The following MAP2K4 variants were observed in gnomAD, a reference collection of about 807,000 sequenced individuals.
MAP2K4 encodes mitogen-activated protein kinase kinase 4, also known as dual specificity mitogen-activated protein kinase kinase 4.
MAP2K4 carries 4 observed loss-of-function variants against 48.5 expected under a neutral mutation model. The observed-to-expected ratio is 0.08, with a 90% CI of 0.04 to 0.19. MAP2K4 has a LOEUF of 0.19. MAP2K4 is among the 10% of genes least tolerant of loss of function. MAP2K4 has a pLI of 1.00. For missense variants in MAP2K4, 258 were observed against 493.3 expected (o/e 0.52, Z 4.52); for synonymous variants, 166 against 173.1 (o/e 0.96, Z 0.32).
chr17:12,130,891 T>A lies in MAP2K4; in HGVS notation c.1040+1604T>A, dbSNP rs188137967. On this transcript the variant is annotated intron_variant, in intron 9 of 10. Transcript: ENST00000353533. ...TGTTCCAAATTATTCCCCTTTTTAT[T>A]AGAGTTGTATTTTTTATGATGTATA... Among the ~76,000 whole-genome samples, 19 of 152,298 alleles carry A rather than the reference T, an allele frequency of 1.2e-4. No individual in the cohort carries two copies. The East Asian group carries it at 3.7e-3, about 29-fold the overall frequency.
chr17:12,107,635 G>A (rs1972163817), intron 4 of MAP2K4, among the ~76,000 whole-genome samples, 155 bp from the exon 5 acceptor site: 1 of 151,892 alleles, frequency 6.6e-6, no homozygotes, highest in African/African-American at 2.4e-5. Context: ...AGAATATTCT[G>A]TTGAAGGCTT....
chr17:12,021,734 GA>G (rs896882494), intron 1 of MAP2K4, among the ~76,000 whole-genome samples: 1,337 of 99,950 alleles, frequency 0.013, 24 homozygotes, highest in African/African-American at 0.046. Context: ...CGTGCAGGAA[GA>G]AAAAAAAAAA....
At chr17:12,057,361 G>A (rs185469854) in intron 2 of MAP2K4, among the ~76,000 whole-genome samples, 6 of 152,240 alleles carry the variant, frequency 3.9e-5, no homozygotes, top group Admixed American at 2.6e-4. Flanking sequence ...TCTGGTGAGC[G>A]TATGCACAAG....
At chr17:12,089,772 A>T (rs1971503405) in intron 3 of MAP2K4, among the ~76,000 whole-genome samples, 2 of 152,206 alleles carry the variant, frequency 1.3e-5, no homozygotes, top group African/African-American at 2.4e-5. Flanking sequence ...ACTGATGGTC[A>T]TGTCCTTCCA....
At chr17:12,140,604 T>C (rs1973347135) in intron 10 of MAP2K4, among the ~76,000 whole-genome samples, 1 of 152,154 alleles carries the variant, frequency 6.6e-6, no homozygotes, top group South Asian at 2.1e-4. Flanking sequence ...AAGAAGCTCC[T>C]GGGGCAAATT....
intron 7 of MAP2K4, among the ~76,000 whole-genome samples, chr17:12,120,514 A>G (rs1972652632): frequency 1.4e-5 from 2 of 146,236 alleles, no homozygotes; most frequent in Admixed American, 1.5e-4. Context: ...TTTAAAGAAA[A>G]TGGAAACAAG....
intron 3 of MAP2K4, among the ~76,000 whole-genome samples, chr17:12,082,303 G>A (rs980910918): frequency 6.6e-6 from 1 of 152,096 alleles, no homozygotes; most frequent in African/African-American, 2.4e-5. Context: ...AATCTTTGCT[G>A]TATGTAAGAT....
intron 2 of MAP2K4, among the ~76,000 whole-genome samples, chr17:12,073,554 G>A (rs1295093107): frequency 5.9e-5 from 9 of 152,128 alleles, no homozygotes; most frequent in African/African-American, 1.7e-4. Context: ...GGGCAAATCC[G>A]TATCAGACAA....
intron 2 of MAP2K4, among the ~76,000 whole-genome samples, chr17:12,062,842 T>A (rs760908012): frequency 2.0e-5 from 3 of 152,128 alleles, no homozygotes; most frequent in Non-Finnish European, 4.4e-5. Flanking sequence ...GGGATTTTTC[T>A]TTTTCCCCAC....
intron 1 of MAP2K4, among the ~76,000 whole-genome samples, chr17:12,045,390 T>C (rs1439149409): frequency 1.3e-5 from 2 of 152,178 alleles, no homozygotes; most frequent in African/African-American, 2.4e-5. Context: ...CGTGGTTCCT[T>C]GCTAGGGTTC....
intron 1 of MAP2K4, among the ~76,000 whole-genome samples, chr17:12,027,861 T>G (rs1281237570): frequency 2.0e-5 from 3 of 152,004 alleles, no homozygotes; most frequent in African/African-American, 7.3e-5. Flanking sequence ...TGACTGTGAA[T>G]GAAAGGAGAA....
chr17:12,127,145 G>A (rs1425122402), intron 8 of MAP2K4, among the ~76,000 whole-genome samples: 2 of 152,172 alleles, frequency 1.3e-5, no homozygotes, highest in Admixed American at 6.6e-5. Context: ...TCTTCGTATA[G>A]AGAGTTGAAG....
intron 1 of MAP2K4, among the ~76,000 whole-genome samples, chr17:12,048,770 C>T (rs1175397467): frequency 6.6e-6 from 1 of 152,074 alleles, no homozygotes. Context: ...GATTCCATTG[C>T]CTCAGCCTCC....
chr17:12,063,058 T>C (rs933644676), intron 2 of MAP2K4, among the ~76,000 whole-genome samples: 27 of 152,228 alleles, frequency 1.8e-4, no homozygotes, highest in African/African-American at 6.3e-4. Context: ...TGTGTTCTTC[T>C]GACATTGCTA....
intron 9 of MAP2K4, among the ~76,000 whole-genome samples, chr17:12,133,310 G>C (rs1973093855): frequency 6.6e-6 from 1 of 152,184 alleles, no homozygotes; most frequent in African/African-American, 2.4e-5. Context: ...TTGAACTGCT[G>C]ACCTCAAGTA....
intron 10 of MAP2K4, 32 bp downstream of exon 10, chr17:12,139,916 A>C (rs1012637974): frequency 6.5e-7 from 1 of 1,532,376 alleles, no homozygotes. Flanking sequence ...TTGTAGGTAC[A>C]TCCTAACCCC....
intron 4 of MAP2K4, among the ~76,000 whole-genome samples, chr17:12,106,059 A>G (rs988648243): frequency 2.0e-5 from 3 of 152,182 alleles, no homozygotes; most frequent in Admixed American, 1.3e-4. Context: ...CCAAGCTTAT[A>G]TAAGTAGAAA....
chr17:12,097,304 T>C (rs1971787821), intron 4 of MAP2K4, among the ~76,000 whole-genome samples: 1 of 152,242 alleles, frequency 6.6e-6, no homozygotes, highest in Non-Finnish European at 1.5e-5. Context: ...TTATAGACTT[T>C]CCCCAGCTCT....
At chr17:12,074,302 T>A (rs1597440147) in intron 2 of MAP2K4, among the ~76,000 whole-genome samples, 1 of 152,192 alleles carries the variant, frequency 6.6e-6, no homozygotes, top group East Asian at 1.9e-4. Context: ...ACTGTGGTAA[T>A]TTTAGATTGC....
Sources: gnomAD v4.1 joint callset for allele counts (sites outside exome capture counted in the v4.1 genomes callset) on GRCh38, gnomAD v4.1.1 for gene constraint, MANE v1.5 for transcripts, NCBI Gene and HGNC (gene_info 2026-07-23, HGNC 2026-07-21) for gene names.